Variants in ADAMTS20 observed in about 807,000 individuals in gnomAD.
The protein encoded by ADAMTS20 is ADAM metallopeptidase with thrombospondin type 1 motif 20, also known as A disintegrin and metalloproteinase with thrombospondin motifs 20.
ADAMTS20 carries 225 observed loss-of-function variants against 260.1 expected under a neutral mutation model. The ratio of observed to expected loss-of-function variants is 0.87; its 90% CI spans 0.78 to 0.97. The LOEUF (loss-of-function observed/expected upper bound fraction) is 0.97. Ranked by LOEUF, ADAMTS20 falls within the 50% of genes least tolerant of loss-of-function variation. The pLI is 0.00. For missense variants in ADAMTS20, 2,400 were observed against 2,337.7 expected (o/e 1.03, Z -0.55); for synonymous variants, 802 against 769.5 (o/e 1.04, Z -0.70).
intron 28 of ADAMTS20, among the ~76,000 whole-genome samples, chr12:43,410,018 G>C (rs1436207432): frequency 6.6e-6 from 1 of 152,144 alleles, no homozygotes; most frequent in Non-Finnish European, 1.5e-5. Context: ...CTTCAAGCTA[G>C]AATTTTATAG....
intron 7 of ADAMTS20, among the ~76,000 whole-genome samples, chr12:43,471,128 C>T (rs902227311): frequency 2.2e-4 from 34 of 152,014 alleles, no homozygotes; most frequent in Non-Finnish European, 3.2e-4. Flanking sequence ...AGTGGGTGCA[C>T]GCACCGTGCG....
intron 31 of ADAMTS20, among the ~76,000 whole-genome samples, chr12:43,380,412 C>T (rs182983556): frequency 6.6e-6 from 1 of 152,196 alleles, no homozygotes; most frequent in Non-Finnish European, 1.5e-5. Flanking sequence ...TTCTATTTAA[C>T]ATTATTCTGG....
In ADAMTS20 at chr12:43,354,156, G is replaced by T. The variant is rs373441696; in HGVS notation, c.*53C>A. 224 of 1,315,986 alleles carry T rather than the reference G, an allele frequency of 1.7e-4. 3 individuals carry two copies. In the East Asian group the frequency reaches 4.1e-3, roughly 24 times the overall value. The allele number at this position is 1,315,986 out of a possible 1,614,324, so 81.5% of individuals were successfully genotyped here. ...ATAAAGAAATGAGCACCAGTTATTT[G>T]AATATTCCAGAGAATATCCCCTCTT... On this transcript the variant is annotated 3_prime_UTR_variant, in exon 39 of 39. Transcript: ENST00000389420.
intron 7 of ADAMTS20, 77 bp downstream of exon 7, chr12:43,490,318 G>A: frequency 1.3e-6 from 1 of 743,366 alleles, no homozygotes; most frequent in Non-Finnish European, 2.0e-6. Flanking sequence ...AAAATAAATG[G>A]AAAATAGCCT....
At chr12:43,364,612 G>A (rs573436276) in intron 37 of ADAMTS20, among the ~76,000 whole-genome samples, 1 of 152,198 alleles carries the variant, frequency 6.6e-6, no homozygotes, top group African/African-American at 2.4e-5. Context: ...GGCTGAAATT[G>A]TCTACTGGAG....
intron 28 of ADAMTS20, among the ~76,000 whole-genome samples, chr12:43,406,330 A>C (rs1940918887): frequency 6.6e-6 from 1 of 152,138 alleles, no homozygotes; most frequent in African/African-American, 2.4e-5. Flanking sequence ...TTCAAAATTA[A>C]ACTATTTTAT....
intron 28 of ADAMTS20, among the ~76,000 whole-genome samples, chr12:43,405,088 G>A (rs1395237521): frequency 2.0e-5 from 3 of 151,380 alleles, no homozygotes; most frequent in Non-Finnish European, 2.9e-5. Flanking sequence ...TTGCAGATAA[G>A]GAAAATATTT....
intron 7 of ADAMTS20, among the ~76,000 whole-genome samples, chr12:43,482,085 CG>C (rs2137414465): frequency 6.6e-6 from 1 of 152,188 alleles, no homozygotes; most frequent in Non-Finnish European, 1.5e-5. Context: ...TGAGAAGGAA[CG>C]GCATCAGTGT....
At chr12:43,393,240 G>T (rs1009620183) in intron 29 of ADAMTS20, among the ~76,000 whole-genome samples, 6 of 151,952 alleles carry the variant, frequency 3.9e-5, no homozygotes, top group Non-Finnish European at 8.8e-5. Context: ...CAGTGTTATA[G>T]AACTAATATA....
At chr12:43,542,375 T>A (rs540322375) in intron 2 of ADAMTS20, among the ~76,000 whole-genome samples, 2 of 152,200 alleles carry the variant, frequency 1.3e-5, no homozygotes, top group African/African-American at 2.4e-5. Context: ...AAAATACATA[T>A]AATATCTAGA....
chr12:43,529,129 A>T (rs1322895678), intron 3 of ADAMTS20, among the ~76,000 whole-genome samples: 2 of 152,216 alleles, frequency 1.3e-5, no homozygotes, highest in African/African-American at 4.8e-5. Context: ...AAGAATGGCC[A>T]TTATTAAAAA....
chr12:43,525,644 G>A (rs926118625), intron 3 of ADAMTS20, among the ~76,000 whole-genome samples: 3 of 151,864 alleles, frequency 2.0e-5, no homozygotes, highest in African/African-American at 7.3e-5. Flanking sequence ...CCTAACACAA[G>A]GATTCATATA....
rs1207412390 is a variant in ADAMTS20, at chr12:43,551,009, T to C, written c.353A>G (p.Glu118Gly). The change falls in exon 2 of 39, where the codon GAG becomes GGG. Residue 118 changes from glutamate (E) to glycine (G), a missense_variant. By Grantham distance (98) the Glu-to-Gly change is moderately conservative (BLOSUM62 -2). Transcript: ENST00000389420. This position sits in a 1 kb window ranked among gnomAD's most constrained non-coding sequence, Gnocchi z 4.6. The part of the protein sequence containing the change: ...HLGTPERGAW[E>G]SDAGPSDLRH... ...CAGGTCCGAGGGCCCTGCGTCGCTC[T>C]CCCAGGCCCCGCGCTCCGGGGTTCC... The C allele has an allele frequency of 6.8e-6, 11 of 1,613,370 alleles. No homozygotes were observed. The highest frequency in any genetic ancestry group is 1.6e-4 in the Middle Eastern group (1 of 6,084).
intron 31 of ADAMTS20, among the ~76,000 whole-genome samples, chr12:43,378,942 G>T (rs145122092): frequency 6.6e-6 from 1 of 152,152 alleles, no homozygotes; most frequent in Non-Finnish European, 1.5e-5. Context: ...CTAACTTTTG[G>T]TAAGAAGAGC....
chr12:43,407,517 G>A (rs1940941839), intron 28 of ADAMTS20, among the ~76,000 whole-genome samples: 1 of 151,470 alleles, frequency 6.6e-6, no homozygotes, highest in African/African-American at 2.4e-5. Context: ...TATAACTTTG[G>A]AAAAGTTTTG....
intron 4 of ADAMTS20, among the ~76,000 whole-genome samples, chr12:43,493,619 A>T (rs1243618444): frequency 1.3e-5 from 2 of 152,186 alleles, no homozygotes; most frequent in Non-Finnish European, 2.9e-5. Context: ...ATGTCAAGTG[A>T]TCTGAACACA....
At chr12:43,440,375 C>T (rs1233120738) in intron 16 of ADAMTS20, among the ~76,000 whole-genome samples, 1 of 152,168 alleles carries the variant, frequency 6.6e-6, no homozygotes. Context: ...TCTCGAACTC[C>T]TGACCTCAGG....
At chr12:43,363,786 G>GA (rs1352742651) in intron 37 of ADAMTS20, among the ~76,000 whole-genome samples, 1 of 152,182 alleles carries the variant, frequency 6.6e-6, no homozygotes, top group Admixed American at 6.5e-5. Flanking sequence ...TTAACAGAGA[G>GA]AATCAGGGAA....
In ADAMTS20 at chr12:43,443,833, G is replaced by A. The variant is rs748211259; in HGVS notation, c.2248C>T (p.Arg750Cys). The A allele has an allele frequency of 2.0e-5, 33 of 1,613,076 alleles. No homozygotes were observed. Among genetic ancestry groups the A allele is most frequent in the Non-Finnish European group, 2.5e-5 (30 of 1,179,368 alleles). Residue 750 changes from arginine to cysteine, a missense_variant, in exon 16 of 39, where the codon CGT becomes TGT. By Grantham distance (180) the Arg-to-Cys change is radical. Transcript: ENST00000389420. ...GGTTGTCCAGAATAGCTGTACTGAC[G>A]AATGTCAACGTTTGTTGCTCCTGCG... is the stretch of plus-strand genomic sequence containing the variant. ...IPAGATNVDI[R>C]QYSYSGQPDD...
Sources: gnomAD v4.1 joint callset for allele counts (sites outside exome capture counted in the v4.1 genomes callset) on GRCh38, gnomAD v4.1.1 for gene constraint, Gnocchi (gnomAD v3.1) non-coding constraint, MANE v1.5 for transcripts, NCBI Gene and HGNC (gene_info 2026-07-23, HGNC 2026-07-21) for gene names.